The following STK32A variants were observed in gnomAD, a reference collection of about 807,000 sequenced individuals.
STK32A encodes serine/threonine-protein kinase 32A.
STK32A carries 41 observed loss-of-function variants against 53.2 expected under a neutral mutation model. That is an observed-to-expected ratio of 0.77 (90% CI 0.60 to 1.00). The LOEUF is 1.00. STK32A is among the 50% of genes least tolerant of loss of function. STK32A has a pLI of 0.00. For missense variants in STK32A, 458 were observed against 485.8 expected (o/e 0.94, Z 0.54); for synonymous variants, 166 against 162.8 (o/e 1.02, Z -0.15).
In STK32A at chr5:147,384,872, G is replaced by T. The variant is rs75208415; in HGVS notation, c.*889G>T. On this transcript the variant is annotated 3_prime_UTR_variant, in exon 13 of 13. Coordinates refer to ENST00000397936, the MANE Select transcript of STK32A (RefSeq NM_001112724.2). ...GTCCACCTTGCAGTTCAGAAAAGTT[G>T]CATCTTATATGGGGTTTATTGTCTA... The T allele has an allele frequency of 4.4e-3, 701 of 157,872 alleles. 21 individuals carry two copies. In the East Asian group the frequency reaches 0.075, roughly 17 times the overall value. 9.8% of individuals were successfully genotyped at this position (157,872 alleles called of 1,614,324 possible).
intron 5 of STK32A, among the ~76,000 whole-genome samples, chr5:147,332,923 A>ACCC (rs998579162): frequency 2.0e-5 from 3 of 152,314 alleles, no homozygotes; most frequent in African/African-American, 7.2e-5. Flanking sequence ...ATTTGTGAAA[A>ACCC]CCCATGTGAA....
chr5:147,329,687 G>C (rs1337478957), intron 5 of STK32A, among the ~76,000 whole-genome samples: 1 of 152,136 alleles, frequency 6.6e-6, no homozygotes, highest in Non-Finnish European at 1.5e-5. Flanking sequence ...TCTTCCCAAT[G>C]CTCATGGTTA....
chr5:147,378,969 C>A (rs1581156644), intron 11 of STK32A, among the ~76,000 whole-genome samples: 2 of 145,698 alleles, frequency 1.4e-5, no homozygotes, highest in East Asian at 2.1e-4. Flanking sequence ...TGAAGAATGC[C>A]AACAGTCATT....
intron 5 of STK32A, among the ~76,000 whole-genome samples, chr5:147,328,327 G>A (rs1184216818): frequency 2.0e-5 from 3 of 152,064 alleles, no homozygotes; most frequent in South Asian, 2.1e-4. Context: ...ATCTGTTTCC[G>A]CCACAAATCC....
At chr5:147,336,956 C>T (rs565864005) in intron 5 of STK32A, among the ~76,000 whole-genome samples, 26 of 152,274 alleles carry the variant, frequency 1.7e-4, no homozygotes, top group South Asian at 6.2e-4. Flanking sequence ...ATTTTGGTTT[C>T]GATATACCGA....
rs1046172846 is a variant in STK32A, at chr5:147,386,648, C to G, written c.*2665C>G. The stretch of plus-strand genomic sequence containing the variant: ...TGAGCTGCTTCTGTGACTGAAGCAC[C>G]TCTGTGGGCTTTTGGGAACCATGGA... On this transcript the variant is annotated 3_prime_UTR_variant, in exon 13 of 13. Coordinates refer to ENST00000397936, the MANE Select transcript of STK32A (RefSeq NM_001112724.2). The G allele has an allele frequency of 6.6e-6, 1 of 152,164 alleles. No individual in the cohort carries two copies. Among genetic ancestry groups the G allele is most frequent in the African/African-American group, 2.4e-5 (1 of 41,438 alleles). 9.4% of individuals were successfully genotyped at this position (152,164 alleles called of 1,614,324 possible).
At chr5:147,298,051 CA>C (rs1752950681) in intron 4 of STK32A, among the ~76,000 whole-genome samples, 1 of 151,242 alleles carries the variant, frequency 6.6e-6, no homozygotes, top group African/African-American at 2.4e-5. Flanking sequence ...CTGGTATAGA[CA>C]AAAGTTTGTT....
intron 2 of STK32A, among the ~76,000 whole-genome samples, chr5:147,254,254 C>CTGCTT (rs1754126385): frequency 6.6e-6 from 1 of 152,284 alleles, no homozygotes; most frequent in East Asian, 1.9e-4. Flanking sequence ...TTGGGAGACA[C>CTGCTT]CTTTGGTTTG....
intron 5 of STK32A, among the ~76,000 whole-genome samples, chr5:147,324,717 A>T (rs990443177): frequency 1.3e-5 from 2 of 152,240 alleles, no homozygotes; most frequent in Non-Finnish European, 2.9e-5. Flanking sequence ...ATAACCTGAG[A>T]TAAATGATCA....
intron 4 of STK32A, among the ~76,000 whole-genome samples, chr5:147,285,922 T>G (rs1453626908): frequency 2.6e-5 from 4 of 152,166 alleles, no homozygotes; most frequent in Non-Finnish European, 5.9e-5. Flanking sequence ...TACCATTTGA[T>G]CCAGCAATCC....
chr5:147,397,406 G>A, the STK32A span, among the ~76,000 whole-genome samples: 10 of 151,780 alleles, frequency 6.6e-5, no homozygotes, highest in Non-Finnish European at 1.0e-4. Flanking sequence ...TGAATTATTC[G>A]AATTTAAATT....
At chr5:147,256,493 A>T (rs1201522069) in intron 2 of STK32A, among the ~76,000 whole-genome samples, 1 of 152,026 alleles carries the variant, frequency 6.6e-6, no homozygotes, top group East Asian at 1.9e-4. Context: ...AGTTTGCTTT[A>T]AGTCTTTGTT....
chr5:147,313,036 G>A (rs898998487), intron 4 of STK32A, among the ~76,000 whole-genome samples: 1 of 143,894 alleles, frequency 6.9e-6, no homozygotes, highest in African/African-American at 2.6e-5. Context: ...AGGCCAGCCT[G>A]GGCAACATAG....
chr5:147,311,423 T>A (rs574991478), intron 4 of STK32A, among the ~76,000 whole-genome samples: 1 of 152,326 alleles, frequency 6.6e-6, no homozygotes, highest in East Asian at 1.9e-4. Flanking sequence ...TACCAAGCTA[T>A]ATGCCAGGGG....
intron 2 of STK32A, among the ~76,000 whole-genome samples, chr5:147,250,967 C>T (rs572903432): frequency 6.8e-6 from 1 of 147,264 alleles, no homozygotes. Flanking sequence ...AAAAAGAATG[C>T]AGATATGGCA....
intron 2 of STK32A, among the ~76,000 whole-genome samples, chr5:147,272,722 A>ATTT (rs1353675653): frequency 6.6e-6 from 1 of 152,218 alleles, no homozygotes; most frequent in Non-Finnish European, 1.5e-5. Context: ...ACTTAAAAAA[A>ATTT]TTTGTAATTT....
At chr5:147,246,770 T>G (rs1753783966) in intron 2 of STK32A, among the ~76,000 whole-genome samples, 1 of 152,252 alleles carries the variant, frequency 6.6e-6, no homozygotes, top group Non-Finnish European at 1.5e-5. Flanking sequence ...GTTATGCTCC[T>G]CTGTAAGTTT....
chr5:147,314,233 C>T (rs1258960314), intron 4 of STK32A, among the ~76,000 whole-genome samples: 3 of 152,132 alleles, frequency 2.0e-5, no homozygotes, highest in Non-Finnish European at 2.9e-5. Flanking sequence ...CGCTGTGGCT[C>T]ATGCCTGTAA....
At chr5:147,398,286 C>A in the STK32A span, among the ~76,000 whole-genome samples, 18 of 152,322 alleles carry the variant, frequency 1.2e-4, no homozygotes, top group Non-Finnish European at 1.8e-4. Flanking sequence ...CTACCTCCTT[C>A]ATTTACTCAA....
Sources: allele counts gnomAD v4.1 joint callset (sites outside exome capture counted in the v4.1 genomes callset), GRCh38; gene constraint gnomAD v4.1.1; transcripts MANE v1.5; gene names NCBI Gene and HGNC (gene_info 2026-07-23, HGNC 2026-07-21).